PPIL3: variants seen among roughly 807,000 people sequenced by gnomAD.
PPIL3 encodes the protein peptidylprolyl isomerase like 3.
A neutral mutation model predicts 20.9 loss-of-function variants in PPIL3; 13 were observed. The ratio of observed to expected loss-of-function variants is 0.62; its 90% CI spans 0.40 to 0.99. The LOEUF (loss-of-function observed/expected upper bound fraction) is 0.99. Ranked by LOEUF, PPIL3 falls within the 50% of genes least tolerant of loss-of-function variation. The pLI is 0.00. For synonymous variants in PPIL3, 71 were observed against 64.4 expected (o/e 1.10, Z -0.49); for missense variants, 170 against 195.2 (o/e 0.87, Z 0.77).
At chr2:200,884,792 G>T (rs1479222581) in intron 3 of PPIL3, 3 of 152,158 alleles carry the variant, frequency 2.0e-5, no homozygotes, top group Non-Finnish European at 4.4e-5. Flanking sequence ...TGCCGGGCAT[G>T]GAGGCTCATG....
chr2:200,889,218 G>A (rs16835430), upstream of PPIL3: 17,036 of 360,188 alleles, frequency 0.047, 602 homozygotes, highest in Admixed American at 0.098. Context: ...AATTGCACTG[G>A]GACAAGAAGT....
At chr2:200,875,165 C>T (rs770737037) in intron 6 of PPIL3, among the ~76,000 whole-genome samples, 4 of 152,166 alleles carry the variant, frequency 2.6e-5, no homozygotes, top group African/African-American at 4.8e-5. Context: ...TCTTCTTACT[C>T]GGAGAAATCT....
chr2:200,872,201 A>C (rs2039330825), intron 6 of PPIL3, among the ~76,000 whole-genome samples: 1 of 152,192 alleles, frequency 6.6e-6, no homozygotes, highest in Admixed American at 6.5e-5. Context: ...TGGCTCATAG[A>C]ACTTAGGAAA....
At chr2:200,882,973 C>T (rs930279981) in intron 3 of PPIL3, among the ~76,000 whole-genome samples, 10 of 151,444 alleles carry the variant, frequency 6.6e-5, no homozygotes, top group Admixed American at 5.9e-4. Flanking sequence ...CCTGGCTCAT[C>T]TCCTCATCAC....
chr2:200,873,644 T>C (rs187975307), intron 6 of PPIL3, among the ~76,000 whole-genome samples: 219 of 151,638 alleles, frequency 1.4e-3, no homozygotes, highest in Non-Finnish European at 2.4e-3. Flanking sequence ...ATACAAGTTT[T>C]GGAAATTTCA....
At chr2:200,882,498 A>G (rs1482164473) in intron 3 of PPIL3, 63 bp from the exon 4 acceptor site, 7 of 1,008,116 alleles carry the variant, frequency 6.9e-6, no homozygotes, top group Non-Finnish European at 1.1e-5. Flanking sequence ...CAAAAAACCA[A>G]TCATATTTAC....
At chr2:200,887,349 C>T (rs933418190) in intron 2 of PPIL3, among the ~76,000 whole-genome samples, 1 of 137,350 alleles carries the variant, frequency 7.3e-6, no homozygotes, top group South Asian at 2.3e-4. Flanking sequence ...TACACCACTG[C>T]ACTCCAGCCT....
Position 200,880,677 on chromosome 2 carries a change from T to C in PPIL3, c.240+744A>G, listed in dbSNP as rs140574800. ...CTGGGATTACTGTACCCGGCCCTGG[T>C]TGAGGATACTTCATTGCTCTTTTTC... is the stretch of plus-strand genomic sequence containing the variant. On this transcript the variant is annotated intron_variant, in intron 5 of 6. Transcript: ENST00000392283. Among the ~76,000 whole-genome samples, 725 of 152,240 alleles carry C rather than the reference T, an allele frequency of 4.8e-3. 7 individuals carry two copies. The highest frequency in any genetic ancestry group is 0.044 in the Middle Eastern group (13 of 294).
chr2:200,885,360 G>A, intron 3 of PPIL3: 1 of 356,412 alleles, frequency 2.8e-6, no homozygotes, highest in East Asian at 4.0e-5. Context: ...GACACAGCGA[G>A]ACTCCATCTC....
In PPIL3 at chr2:200,887,683, T is replaced by C; in HGVS notation, c.-68A>G. 7.5e-7 allele frequency: 1 copy of C among 1,330,642 alleles called. No individual in the cohort carries two copies. The allele number at this position is 1,330,642 out of a possible 1,614,324, so 82.4% of individuals were successfully genotyped here. On this transcript the variant is annotated splice_region_variant and 5_prime_UTR_variant, in exon 2 of 7. Coordinates refer to ENST00000392283, the MANE Select transcript of PPIL3 (RefSeq NM_130906.3). Reference sequence around the variant, plus strand: ...GTCTTACAGCGAGCTCAAAAATAAGTCTCTAGTCCCAAAAGAAAAAAAGAA... The same window carrying C: ...GTCTTACAGCGAGCTCAAAAATAAGCCTCTAGTCCCAAAAGAAAAAAAGAA...
intron 3 of PPIL3, 150 bp from the exon 4 acceptor site, chr2:200,882,585 T>C: frequency 1.6e-6 from 1 of 644,864 alleles, no homozygotes; most frequent in South Asian, 1.7e-5. Context: ...CTACAACACT[T>C]CAATAGCTTC....
At chr2:200,880,409 C>CTTTTTTTTTTTTT (rs779189285) in intron 5 of PPIL3, among the ~76,000 whole-genome samples, 7 of 131,874 alleles carry the variant, frequency 5.3e-5, no homozygotes, top group African/African-American at 9.2e-5. Flanking sequence ...ATTGAGTAGA[C>CTTTTTTTTTTTTT]TTTTTTTTTT....
At chr2:200,874,459 G>C (rs1418912121) in intron 6 of PPIL3, among the ~76,000 whole-genome samples, 1 of 152,026 alleles carries the variant, frequency 6.6e-6, no homozygotes, top group Non-Finnish European at 1.5e-5. Flanking sequence ...CAAGTATATG[G>C]GAAACGGACC....
chr2:200,879,243 C>G (rs2039627205), intron 5 of PPIL3, among the ~76,000 whole-genome samples: 1 of 152,020 alleles, frequency 6.6e-6, no homozygotes, highest in Non-Finnish European at 1.5e-5. Flanking sequence ...CTCAGCCTCC[C>G]AAGTAGCTGG....
intron 6 of PPIL3, among the ~76,000 whole-genome samples, chr2:200,874,008 A>G (rs1005127112): frequency 6.6e-6 from 1 of 151,398 alleles, no homozygotes; most frequent in Non-Finnish European, 1.5e-5. Flanking sequence ...GATTGAGACC[A>G]TCCTGGCTAA....
chr2:200,882,493 A>C (rs1032072957), intron 3 of PPIL3, 58 bp from the exon 4 acceptor site: 1 of 1,033,098 alleles, frequency 9.7e-7, no homozygotes, highest in Non-Finnish European at 1.5e-6. Context: ...TAAGACAAAA[A>C]ACCAATCATA....
intron 2 of PPIL3, among the ~76,000 whole-genome samples, chr2:200,886,143 T>C (rs1433351773): frequency 1.3e-5 from 2 of 152,244 alleles, no homozygotes; most frequent in African/African-American, 4.8e-5. Context: ...TCCTTATTTA[T>C]AGAAAAATGA....
Position 200,871,539 on chromosome 2 carries a change from T to C in PPIL3, c.360-18A>G, listed in dbSNP as rs1365788299. On this transcript the variant is annotated intron_variant, in intron 6 of 6. Transcript: ENST00000392283. ...CTATTACCCTGAAAGAGAAACAACA[T>C]AACATATGAAAATTTCCTTAAATTG... 2 of 1,599,942 alleles carry C rather than the reference T, an allele frequency of 1.3e-6. No individual in the cohort carries two copies. The highest frequency in any genetic ancestry group is 2.2e-5 in the East Asian group (1 of 44,750).
intron 6 of PPIL3, among the ~76,000 whole-genome samples, chr2:200,872,589 C>T (rs1269713089): frequency 1.3e-5 from 2 of 152,040 alleles, no homozygotes; most frequent in East Asian, 3.9e-4. Context: ...TAGAACCCCA[C>T]CAAGAGTCAC....
Sources: allele counts gnomAD v4.1 joint callset (sites outside exome capture counted in the v4.1 genomes callset), GRCh38; gene constraint gnomAD v4.1.1; transcripts MANE v1.5; gene names NCBI Gene and HGNC (gene_info 2026-07-23, HGNC 2026-07-21).